ZDHHC15: variants seen among roughly 807,000 people sequenced by gnomAD.
ZDHHC15 encodes the protein zDHHC palmitoyltransferase 15.
Under a neutral mutation model 31.7 loss-of-function variants are expected in ZDHHC15, and 19 were observed. The ratio of observed to expected loss-of-function variants is 0.60; its 90% CI spans 0.42 to 0.88. The LOEUF (loss-of-function observed/expected upper bound fraction) is 0.88, where lower values mean the gene tolerates loss of function less well. Among genes scored for constraint, ZDHHC15 ranks in the 40% least tolerant of loss-of-function variants. ZDHHC15 has a pLI of 0.00. For missense variants in ZDHHC15, 209 were observed against 251.2 expected (o/e 0.83, Z 1.14); for synonymous variants, 103 against 90.0 (o/e 1.14, Z -0.82).
chrX:75,450,627 C>T (rs755042923), intron 4 of ZDHHC15, 175 bp downstream of exon 4: 88 of 997,594 alleles, frequency 8.8e-5, no homozygotes, highest in Middle Eastern at 3.9e-4. Context: ...CTATACAATT[C>T]TTCCAGCTTT....
chrX:75,407,259 G>A (rs1035456416), intron 10 of ZDHHC15, among the ~76,000 whole-genome samples: 30 of 110,557 alleles, frequency 2.7e-4, no homozygotes, highest in South Asian at 7.7e-4. Flanking sequence ...CTGCCCAGCC[G>A]CCCCGTCTGA....
chrX:75,506,903 G>A (rs1286064786), intron 1 of ZDHHC15, among the ~76,000 whole-genome samples: 2 of 111,785 alleles, frequency 1.8e-5, no homozygotes, highest in African/African-American at 6.5e-5. Context: ...CTGAATACTT[G>A]CAGCTAAACA....
Position 75,379,497 on chromosome X carries a change from G to A in ZDHHC15, c.968-299C>T, listed in dbSNP as rs147134284. Among the ~76,000 whole-genome samples, 328 of 112,134 alleles carry A rather than the reference G, an allele frequency of 2.9e-3. 1 individual carries two copies. The highest frequency in any genetic ancestry group is 9.7e-3 in the African/African-American group (299 of 30,892). ...CAACATAATCTGACTTTAATGGAATGTTTTGCATCTTGCTACCCACAAAAT... is the reference window on the plus strand; with the variant it reads ...CAACATAATCTGACTTTAATGGAATATTTTGCATCTTGCTACCCACAAAAT... On this transcript the variant is annotated intron_variant, in intron 10 of 11. Coordinates refer to ENST00000373367, the MANE Select transcript of ZDHHC15 (RefSeq NM_144969.3).
At chrX:75,421,571 T>A (rs1307410546) in intron 9 of ZDHHC15, among the ~76,000 whole-genome samples, 1 of 96,069 alleles carries the variant, frequency 1.0e-5, no homozygotes, top group African/African-American at 3.9e-5. Context: ...TTCCCAGAAA[T>A]GGAATTACTG....
rs762981168 is a variant in ZDHHC15 at position 75,518,486 on chromosome X, C to T, written c.136+4403G>A. Among the ~76,000 whole-genome samples, 4 of 108,898 alleles carry T rather than the reference C, an allele frequency of 3.7e-5. No homozygotes were observed. The South Asian group carries it at 1.2e-3, about 33-fold the overall frequency. The allele number at this position is 108,898 out of a possible 115,157, so 94.6% of individuals were successfully genotyped here. On this transcript the variant is annotated intron_variant, in intron 1 of 11. Transcript: ENST00000373367. ...AAAAATAAAACTGAAAATAACAAGTCTTGGTGAGAATGTGGACAAATTGGA... is the reference window on the plus strand; with the variant it reads ...AAAAATAAAACTGAAAATAACAAGTTTTGGTGAGAATGTGGACAAATTGGA...
intron 3 of ZDHHC15, 120 bp downstream of exon 3, chrX:75,478,771 T>A: frequency 1.9e-6 from 1 of 515,226 alleles, no homozygotes; most frequent in South Asian, 3.3e-5. Context: ...TCACTAGGAG[T>A]TCTTTAAGAT....
chrX:75,464,504 A>T (rs1308762784), intron 3 of ZDHHC15, among the ~76,000 whole-genome samples: 1 of 111,635 alleles, frequency 9.0e-6, no homozygotes, highest in African/African-American at 3.3e-5. Context: ...TGCTTGTTAA[A>T]ACAAAAAAAG....
chrX:75,412,524 C>T (rs2083496484), intron 10 of ZDHHC15, among the ~76,000 whole-genome samples: 1 of 110,662 alleles, frequency 9.0e-6, no homozygotes. Flanking sequence ...CTCCACTTCC[C>T]GGGTTCAAGC....
intron 4 of ZDHHC15, among the ~76,000 whole-genome samples, chrX:75,438,873 T>A (rs1202826092): frequency 2.7e-5 from 3 of 112,287 alleles, no homozygotes; most frequent in Non-Finnish European, 5.6e-5. Context: ...ATCTCAGCAT[T>A]TTTTTGTCTA....
At chrX:75,406,926 ATCC>A (rs2147807856) in intron 10 of ZDHHC15, among the ~76,000 whole-genome samples, 1 of 112,214 alleles carries the variant, frequency 8.9e-6, no homozygotes, top group South Asian at 3.7e-4. Context: ...AAATGTTAAG[ATCC>A]TCAACAAAAT....
intron 3 of ZDHHC15, among the ~76,000 whole-genome samples, chrX:75,455,861 T>G (rs971404472): frequency 2.8e-4 from 31 of 111,987 alleles, no homozygotes; most frequent in African/African-American, 9.4e-4. Context: ...CAACAGTTGC[T>G]GGAGAGGATG....
At chrX:75,514,304 G>A (rs150879315) in intron 1 of ZDHHC15, among the ~76,000 whole-genome samples, 1,343 of 112,219 alleles carry the variant, frequency 0.012, 17 homozygotes, top group African/African-American at 0.041. Context: ...ATAAATCTAC[G>A]TTAAGGAGTA....
chrX:75,505,772 GA>G (rs776187495), intron 2 of ZDHHC15, 48 bp downstream of exon 2: 2 of 1,195,187 alleles, frequency 1.7e-6, no homozygotes, highest in Non-Finnish European at 2.3e-6. Context: ...ACTTTTAGAT[GA>G]AAAAAAGGAC....
chrX:75,505,657 T>C (rs1238673326), intron 2 of ZDHHC15, among the ~76,000 whole-genome samples, 164 bp downstream of exon 2: 1 of 111,424 alleles, frequency 9.0e-6, no homozygotes, highest in African/African-American at 3.3e-5. Context: ...AAAATGTTTT[T>C]CTCTATCTCT....
intron 11 of ZDHHC15, among the ~76,000 whole-genome samples, chrX:75,374,020 A>T (rs764807878): frequency 1.0e-5 from 1 of 97,529 alleles, no homozygotes; most frequent in Non-Finnish European, 2.0e-5. Flanking sequence ...TCTGGTAATC[A>T]TCATTCTACT....
intron 4 of ZDHHC15, among the ~76,000 whole-genome samples, chrX:75,441,327 C>T (rs2083937419): frequency 8.9e-6 from 1 of 111,874 alleles, no homozygotes; most frequent in African/African-American, 3.2e-5. Context: ...CTAGTCTGGG[C>T]TTCCCTGAAG....
At chrX:75,490,609 C>T (rs903385190) in intron 2 of ZDHHC15, among the ~76,000 whole-genome samples, 1 of 111,500 alleles carries the variant, frequency 9.0e-6, no homozygotes, top group Non-Finnish European at 1.9e-5. Flanking sequence ...GATACTGATT[C>T]GTCCTCCCCA....
At chrX:75,416,411 G>A (rs1169588101) in intron 10 of ZDHHC15, among the ~76,000 whole-genome samples, 1 of 111,908 alleles carries the variant, frequency 8.9e-6, no homozygotes. Context: ...CTAATGGTTG[G>A]TATTAGCAAC....
chrX:75,442,734 C>G (rs1231231205), intron 4 of ZDHHC15, among the ~76,000 whole-genome samples: 1 of 111,018 alleles, frequency 9.0e-6, no homozygotes, highest in Non-Finnish European at 1.9e-5. Flanking sequence ...CGCCTGTAAT[C>G]CCAGCACTTT....
Sources: allele counts gnomAD v4.1 joint callset (sites outside exome capture counted in the v4.1 genomes callset), GRCh38; gene constraint gnomAD v4.1.1; transcripts MANE v1.5; gene names NCBI Gene and HGNC (gene_info 2026-07-23, HGNC 2026-07-21).